The following TENM2 variants were observed in gnomAD, a reference collection of about 807,000 sequenced individuals.
TENM2 encodes the protein teneurin transmembrane protein 2.
TENM2 carries 52 observed loss-of-function variants against 245.2 expected under a neutral mutation model. The ratio of observed to expected loss-of-function variants is 0.21; its 90% CI spans 0.17 to 0.27. The LOEUF (loss-of-function observed/expected upper bound fraction) is 0.27. Among genes scored for constraint, TENM2 ranks in the 10% least tolerant of loss-of-function variants. The probability of loss-of-function intolerance (pLI) is 1.00; values close to 1 mark genes in which losing one functional copy is unlikely to be tolerated. For synonymous variants in TENM2, 1,363 were observed against 1,438.9 expected (o/e 0.95, Z 1.19); for missense variants, 3,046 against 3,666.8 (o/e 0.83, Z 4.37).
intron 9 of TENM2, 50 bp downstream of exon 11, chr5:168,098,177 G>C: frequency 7.5e-7 from 1 of 1,333,556 alleles, no homozygotes; most frequent in Non-Finnish European, 1.1e-6. Flanking sequence ...CCCTCCCTAG[G>C]CTTCTCTGAG....
chr5:167,497,936 A>G (rs1456970118), intron 2 of TENM2, among the ~76,000 whole-genome samples: 2 of 152,000 alleles, frequency 1.3e-5, no homozygotes, highest in Non-Finnish European at 2.9e-5. Context: ...CTCGCTTCTG[A>G]TATCTATCCA....
At chr5:168,099,817 G>A (rs939401353) in intron 9 of TENM2, among the ~76,000 whole-genome samples, 1 of 152,196 alleles carries the variant, frequency 6.6e-6, no homozygotes, top group African/African-American at 2.4e-5. Flanking sequence ...GATGGCACGT[G>A]CGTGAGACTT....
At chr5:168,147,561 T>TG (rs1254625942) in intron 12 of TENM2, among the ~76,000 whole-genome samples, 1 of 152,190 alleles carries the variant, frequency 6.6e-6, no homozygotes, top group African/African-American at 2.4e-5. Context: ...ATTATCTGTT[T>TG]GGGGGAAGTG....
At chr5:167,831,641 A>G (rs957064459) in intron 2 of TENM2, among the ~76,000 whole-genome samples, 1 of 152,058 alleles carries the variant, frequency 6.6e-6, no homozygotes, top group Non-Finnish European at 1.5e-5. Context: ...CTTTTGGTCC[A>G]TTTTGCACAG....
At chr5:167,478,585 A>G (rs756362109) in intron 2 of TENM2, among the ~76,000 whole-genome samples, 6 of 152,328 alleles carry the variant, frequency 3.9e-5, no homozygotes, top group Non-Finnish European at 5.9e-5. Context: ...CAGATGAAAT[A>G]CTTGTAACCT....
At chr5:167,277,421 T>G in the TENM2 span, among the ~76,000 whole-genome samples, 1 of 152,172 alleles carries the variant, frequency 6.6e-6, no homozygotes, top group African/African-American at 2.4e-5. Context: ...GAGATTTTCT[T>G]CTTATTTTCT....
chr5:167,827,317 G>A (rs1385046118), intron 2 of TENM2, among the ~76,000 whole-genome samples: 1 of 152,120 alleles, frequency 6.6e-6, no homozygotes, highest in Non-Finnish European at 1.5e-5. Context: ...CTGGTAGGGG[G>A]CAAGGAACAA....
At chr5:168,181,132 C>T (rs1214268622) in intron 13 of TENM2, among the ~76,000 whole-genome samples, 3 of 152,166 alleles carry the variant, frequency 2.0e-5, no homozygotes, top group Non-Finnish European at 4.4e-5. Flanking sequence ...CCTTAGGACA[C>T]GGGATGAGAA....
chr5:167,684,608 A>T (rs1427977981), intron 2 of TENM2, among the ~76,000 whole-genome samples: 2 of 152,320 alleles, frequency 1.3e-5, no homozygotes, highest in East Asian at 3.9e-4. Flanking sequence ...TAATTTAGTT[A>T]AAACATTTTG....
At chr5:167,564,836 A>T (rs1773807785) in intron 2 of TENM2, among the ~76,000 whole-genome samples, 1 of 152,206 alleles carries the variant, frequency 6.6e-6, no homozygotes, top group Non-Finnish European at 1.5e-5. Context: ...ATGCTCAAGA[A>T]CTTCTTGTGC....
intron 3 of TENM2, among the ~76,000 whole-genome samples, chr5:167,929,840 A>G (rs529298266): frequency 1.3e-5 from 2 of 152,322 alleles, no homozygotes; most frequent in South Asian, 2.1e-4. Flanking sequence ...TGGTAGGGGA[A>G]GAGTTAGGAA....
At chr5:167,477,566 ATGT>A (rs1165543785) in intron 2 of TENM2, among the ~76,000 whole-genome samples, 1 of 152,126 alleles carries the variant, frequency 6.6e-6, no homozygotes, top group African/African-American at 2.4e-5. Flanking sequence ...GCATTGTTAA[ATGT>A]TGTTATCTAC....
chr5:167,616,986 C>G (rs936080037), intron 2 of TENM2, among the ~76,000 whole-genome samples: 1 of 152,142 alleles, frequency 6.6e-6, no homozygotes, highest in East Asian at 1.9e-4. Context: ...TGTGCCTATA[C>G]ACATGCAACT....
intron 1 of TENM2, among the ~76,000 whole-genome samples, chr5:167,338,577 G>A (rs970656728): frequency 3.9e-5 from 6 of 152,170 alleles, no homozygotes; most frequent in Admixed American, 2.6e-4. Context: ...AATATATCAC[G>A]TGGTTTTCCC....
At chr5:167,556,220 C>T (rs1020287136) in intron 2 of TENM2, among the ~76,000 whole-genome samples, 6 of 152,012 alleles carry the variant, frequency 3.9e-5, no homozygotes, top group Admixed American at 1.3e-4. Flanking sequence ...TTGCAAGTTT[C>T]TATTTCAGAC....
In TENM2 at chr5:167,861,847, T is replaced by A. The variant is rs533492914; in HGVS notation, c.503-14139T>A. 2.0e-3 allele frequency among the ~76,000 whole-genome samples: 305 copies of A among 152,316 alleles called. 1 individual carries two copies. The highest frequency in any genetic ancestry group is 7.0e-3 in the African/African-American group (293 of 41,564). ...AGGCCTTTCTGCCTTCTCCAAGTAT[T>A]TGAAACAGGGCTTACTCTTGCCAAA... On this transcript the variant is annotated intron_variant, in intron 2 of 28. Coordinates refer to ENST00000518659, the Ensembl canonical transcript of TENM2.
chr5:167,566,016 G>A (rs780169698), intron 2 of TENM2, among the ~76,000 whole-genome samples: 19 of 152,230 alleles, frequency 1.2e-4, no homozygotes, highest in Non-Finnish European at 2.2e-4. Context: ...TTTTGTGTGA[G>A]TTAAATTCTC....
the TENM2 span, among the ~76,000 whole-genome samples, chr5:167,175,634 A>T: frequency 1.1e-4 from 16 of 152,284 alleles, no homozygotes; most frequent in Non-Finnish European, 2.2e-4. Flanking sequence ...CATCATTCTG[A>T]TAAAAGGCCC....
intron 1 of TENM2, among the ~76,000 whole-genome samples, chr5:167,321,126 A>T (rs1756690014): frequency 6.6e-6 from 1 of 152,156 alleles, no homozygotes. Flanking sequence ...AAGTCAGAAA[A>T]GATTTTTATT....
Sources: allele counts gnomAD v4.1 joint callset (sites outside exome capture counted in the v4.1 genomes callset), GRCh38; gene constraint gnomAD v4.1.1; transcripts MANE v1.5; gene names NCBI Gene and HGNC (gene_info 2026-07-23, HGNC 2026-07-21).